The following SLC25A21 variants were observed in gnomAD, a reference collection of about 807,000 sequenced individuals.
SLC25A21 encodes solute carrier family 25 member 21, also known as mitochondrial 2-oxodicarboxylate carrier.
SLC25A21 carries 47 observed loss-of-function variants against 43.8 expected under a neutral mutation model. The ratio of observed to expected loss-of-function variants is 1.07; its 90% CI spans 0.85 to 1.37. The LOEUF (loss-of-function observed/expected upper bound fraction) is 1.37. SLC25A21 is among the 40% of genes most tolerant of loss of function. The pLI, the probability that SLC25A21 is intolerant of heterozygous loss-of-function variation, is 0.00. For synonymous variants in SLC25A21, 131 were observed against 121.3 expected (o/e 1.08, Z -0.52); for missense variants, 352 against 350.2 (o/e 1.00, Z -0.04).
intron 1 of SLC25A21, among the ~76,000 whole-genome samples, chr14:37,160,735 G>A (rs532935169): frequency 6.6e-6 from 1 of 152,024 alleles, no homozygotes; most frequent in African/African-American, 2.4e-5. Context: ...TTCGAGACCA[G>A]CCTGGCCAAC....
chr14:36,837,278 G>C (rs866379022), intron 2 of SLC25A21, among the ~76,000 whole-genome samples: 14 of 152,034 alleles, frequency 9.2e-5, no homozygotes, highest in African/African-American at 2.9e-4. Flanking sequence ...GGCCAAGGGG[G>C]TGTCCAGACT....
intron 7 of SLC25A21, among the ~76,000 whole-genome samples, chr14:36,710,022 C>T (rs1416280206): frequency 6.6e-6 from 1 of 152,036 alleles, no homozygotes; most frequent in Non-Finnish European, 1.5e-5. Flanking sequence ...ATATTGTAGA[C>T]GTTGAAAAAG....
At position 36,851,425 on chromosome 14, in the gene SLC25A21, T is replaced by C. The variant is rs1479140512; in HGVS notation, c.119+23531A>G. On this transcript the variant is annotated intron_variant, in intron 2 of 9. Transcript: ENST00000331299. ...TTTCTATAATCAGGCAGCAAGAATTTAGGAACCCAGAAACACAAGTCACCT... is the reference window on the plus strand; with the variant it reads ...TTTCTATAATCAGGCAGCAAGAATTCAGGAACCCAGAAACACAAGTCACCT... 5.3e-5 allele frequency among the ~76,000 whole-genome samples: 8 copies of C among 152,294 alleles called. No homozygotes were observed. The East Asian group carries it at 1.5e-3, about 29-fold the overall frequency.
At chr14:36,979,028 C>A (rs1959948733) in intron 1 of SLC25A21, among the ~76,000 whole-genome samples, 1 of 152,082 alleles carries the variant, frequency 6.6e-6, no homozygotes, top group Admixed American at 6.6e-5. Flanking sequence ...GTTGAGGCTG[C>A]AGTGAGCCGA....
At chr14:37,128,747 C>A (rs1337090621) in intron 1 of SLC25A21, among the ~76,000 whole-genome samples, 2 of 151,972 alleles carry the variant, frequency 1.3e-5, no homozygotes, top group Non-Finnish European at 2.9e-5. Flanking sequence ...CCATTACGCT[C>A]AGCTAATTTT....
At chr14:37,038,126 C>A (rs1190891041) in intron 1 of SLC25A21, among the ~76,000 whole-genome samples, 3 of 152,162 alleles carry the variant, frequency 2.0e-5, no homozygotes, top group Non-Finnish European at 4.4e-5. Context: ...GACCACCTTA[C>A]TGAACTGAAG....
intron 1 of SLC25A21, among the ~76,000 whole-genome samples, chr14:37,030,595 G>T (rs547240926): frequency 6.6e-6 from 1 of 152,098 alleles, no homozygotes; most frequent in African/African-American, 2.4e-5. Flanking sequence ...TACCTTGCTA[G>T]TTCCTTCTTT....
Position 36,680,578 on chromosome 14 carries a change from C to CCGAT in SLC25A21, c.*76_*79dup. The CCGAT allele has an allele frequency of 6.6e-7, 1 of 1,520,168 alleles. No individual in the cohort carries two copies. The highest frequency in any genetic ancestry group is 1.4e-5 in the African/African-American group (1 of 71,124). The allele number at this position is 1,520,168 out of a possible 1,614,324, so 94.2% of individuals were successfully genotyped here. On this transcript the variant is annotated 3_prime_UTR_variant, in exon 10 of 10. Transcript: ENST00000331299. Reference sequence around the variant, plus strand: ...TTCTCCTTCATAATTATACACCTGGCCGATCGATAGTCTCTCTTCTTCATG... The same window carrying CCGAT: ...TTCTCCTTCATAATTATACACCTGGCCGATCGATCGATAGTCTCTCTTCTTCATG...
intron 1 of SLC25A21, among the ~76,000 whole-genome samples, chr14:36,968,926 T>C (rs965951520): frequency 6.6e-6 from 1 of 152,164 alleles, no homozygotes; most frequent in African/African-American, 2.4e-5. Flanking sequence ...AATCCCAAGA[T>C]AATGCAGCCA....
At chr14:36,832,170 A>C in intron 2 of SLC25A21, among the ~76,000 whole-genome samples, 1 of 152,208 alleles carries the variant, frequency 6.6e-6, no homozygotes, top group Non-Finnish European at 1.5e-5. Flanking sequence ...TTGTGGAAAG[A>C]GACAGTGACT....
At chr14:36,842,324 G>A (rs1208004177) in intron 2 of SLC25A21, among the ~76,000 whole-genome samples, 1 of 152,162 alleles carries the variant, frequency 6.6e-6, no homozygotes, top group African/African-American at 2.4e-5. Flanking sequence ...TGAGGTCCTC[G>A]CAGAAATAAT....
chr14:37,056,261 C>T (rs1329670606), intron 1 of SLC25A21, among the ~76,000 whole-genome samples: 1 of 152,002 alleles, frequency 6.6e-6, no homozygotes, highest in Non-Finnish European at 1.5e-5. Context: ...GAGGCCGAGG[C>T]GGGCGGATCA....
intron 1 of SLC25A21, among the ~76,000 whole-genome samples, chr14:36,915,227 A>G (rs1237290490): frequency 6.6e-6 from 1 of 152,100 alleles, no homozygotes; most frequent in Non-Finnish European, 1.5e-5. Flanking sequence ...ACTTGCTGGC[A>G]GTATATCATG....
chr14:37,153,571 C>T (rs1249706391), intron 1 of SLC25A21, among the ~76,000 whole-genome samples: 1 of 152,170 alleles, frequency 6.6e-6, no homozygotes, highest in African/African-American at 2.4e-5. Flanking sequence ...AGGGGGTGAA[C>T]CCCCAGGACT....
At chr14:36,723,290 T>G (rs969357682) in intron 6 of SLC25A21, among the ~76,000 whole-genome samples, 1 of 152,246 alleles carries the variant, frequency 6.6e-6, no homozygotes, top group Non-Finnish European at 1.5e-5. Context: ...TTGATGAACA[T>G]TGCCCATAAT....
At chr14:37,156,737 C>G (rs1265800458) in intron 1 of SLC25A21, among the ~76,000 whole-genome samples, 2 of 152,078 alleles carry the variant, frequency 1.3e-5, no homozygotes, top group African/African-American at 2.4e-5. Flanking sequence ...TATAACAATT[C>G]TAAATATATG....
In SLC25A21 at chr14:36,776,230, C is replaced by CTTTTTTTTTTTTTTTT. The variant is rs1328087696; in HGVS notation, c.203+37687_203+37688insAAAAAAAAAAAAAAAA. 2.6e-3 allele frequency among the ~76,000 whole-genome samples: 187 copies of CTTTTTTTTTTTTTTTT among 70,752 alleles called. 25 individuals carry two copies. The highest frequency in any genetic ancestry group is 5.9e-3 in the African/African-American group (84 of 14,178). 46.4% of individuals were successfully genotyped at this position (70,752 alleles called of 152,430 possible). ...ACTGCTTTCTTTTTTCTTTTTCTTT[C>CTTTTTTTTTTTTTTTT]TTTCTTTCTTTTTTTTTTTTTTTTG... On this transcript the variant is annotated intron_variant, in intron 3 of 9. Coordinates refer to ENST00000331299, the MANE Select transcript of SLC25A21 (RefSeq NM_030631.4).
At chr14:36,819,426 A>G (rs1888555439) in intron 2 of SLC25A21, among the ~76,000 whole-genome samples, 1 of 152,114 alleles carries the variant, frequency 6.6e-6, no homozygotes, top group African/African-American at 2.4e-5. Context: ...TGACTGCAGC[A>G]TTTCGCACTG....
chr14:37,030,017 G>A (rs1961176345), intron 1 of SLC25A21, among the ~76,000 whole-genome samples: 1 of 151,890 alleles, frequency 6.6e-6, no homozygotes, highest in South Asian at 2.1e-4. Flanking sequence ...TGCCTGCCTT[G>A]GCTTCCCAAA....
Sources: allele counts gnomAD v4.1 joint callset (sites outside exome capture counted in the v4.1 genomes callset), GRCh38; gene constraint gnomAD v4.1.1; transcripts MANE v1.5; gene names NCBI Gene and HGNC (gene_info 2026-07-23, HGNC 2026-07-21).